FANCL: variants seen among roughly 807,000 people sequenced by gnomAD.
The protein encoded by FANCL is E3 ubiquitin-protein ligase FANCL.
Under a neutral mutation model 59.4 loss-of-function variants are expected in FANCL, and 69 were observed. That is an observed-to-expected ratio of 1.16 (90% CI 0.96 to 1.42). The LOEUF (loss-of-function observed/expected upper bound fraction) is 1.42, where lower values mean the gene tolerates loss of function less well. FANCL is among the 40% of genes most tolerant of loss of function. FANCL has a pLI of 0.00. For missense variants in FANCL, 519 were observed against 447.2 expected (o/e 1.16, Z -1.45); for synonymous variants, 180 against 147.1 (o/e 1.22, Z -1.62).
rs572924686 is a variant in FANCL at position 58,164,236 on chromosome 2, C to T, written c.692-719G>A. Among the ~76,000 whole-genome samples the T allele has an allele frequency of 2.6e-5, 4 of 152,054 alleles. 1 individual carries two copies. Among genetic ancestry groups the T allele is most frequent in the African/African-American group, 9.6e-5 (4 of 41,546 alleles). ...GGTACATAGTGTAACTGCTTAAGAT[C>T]AATTTGGATTTCATTTTCATCGTAA... On this transcript the variant is annotated intron_variant, in intron 8 of 13. Transcript: ENST00000233741.
chr2:58,219,336 C>T (rs1294818024), intron 5 of FANCL, among the ~76,000 whole-genome samples: 2 of 150,502 alleles, frequency 1.3e-5, no homozygotes, highest in African/African-American at 2.4e-5. Context: ...AATAAATATC[C>T]ATGAGTCCAT....
In FANCL at chr2:58,231,178, G is replaced by A. The variant is rs149625498; in HGVS notation, c.155+876C>T. The stretch of plus-strand genomic sequence containing the variant: ...TGACCAGTCCTTTAAATGTTGGTAC[G>A]CCCCAAGGTCTTGTCACTGGCTTTC... On this transcript the variant is annotated intron_variant, in intron 2 of 13. Coordinates refer to ENST00000233741, the MANE Select transcript of FANCL (RefSeq NM_018062.4). Among the ~76,000 whole-genome samples the A allele has an allele frequency of 5.5e-3, 843 of 152,088 alleles. 8 individuals are homozygous for A. Among genetic ancestry groups the A allele is most frequent in the Non-Finnish European group, 7.2e-3 (489 of 67,996 alleles).
chr2:58,175,894 A>C (rs1336996719), intron 7 of FANCL, among the ~76,000 whole-genome samples: 1 of 152,040 alleles, frequency 6.6e-6, no homozygotes, highest in Non-Finnish European at 1.5e-5. Context: ...CCATTGTCTC[A>C]GCCCAAAATC....
intron 1 of FANCL, among the ~76,000 whole-genome samples, chr2:58,239,398 C>T (rs1694310747): frequency 6.6e-6 from 1 of 152,118 alleles, no homozygotes; most frequent in Non-Finnish European, 1.5e-5. Context: ...ATCATCCAAA[C>T]CCAAATTGAG....
chr2:58,167,156 G>A (rs1225808003), intron 7 of FANCL, among the ~76,000 whole-genome samples: 3 of 152,294 alleles, frequency 2.0e-5, no homozygotes, highest in African/African-American at 7.2e-5. Context: ...AGGTTGCAGT[G>A]GGCCGAGATC....
intron 7 of FANCL, among the ~76,000 whole-genome samples, chr2:58,180,839 A>C (rs1687869004): frequency 6.6e-6 from 1 of 152,072 alleles, no homozygotes; most frequent in South Asian, 2.1e-4. Context: ...TGTAATGTGC[A>C]AAGTAATCAA....
At chr2:58,208,310 T>A (rs560923095) in intron 5 of FANCL, among the ~76,000 whole-genome samples, 1 of 152,164 alleles carries the variant, frequency 6.6e-6, no homozygotes, top group Non-Finnish European at 1.5e-5. Context: ...AAAGCAAATA[T>A]AAAACTGAAG....
At chr2:58,200,671 G>T (rs972109608) in intron 6 of FANCL, among the ~76,000 whole-genome samples, 1 of 151,812 alleles carries the variant, frequency 6.6e-6, no homozygotes, top group Non-Finnish European at 1.5e-5. Flanking sequence ...AAGAGAGTAA[G>T]ATACTACATT....
intron 4 of FANCL, among the ~76,000 whole-genome samples, chr2:58,226,453 G>A (rs1318076988): frequency 1.3e-5 from 2 of 152,020 alleles, no homozygotes; most frequent in Non-Finnish European, 2.9e-5. Flanking sequence ...CTGCTGATAG[G>A]CCAGGAGTAC....
chr2:58,163,010 A>T lies in FANCL; in HGVS notation c.821+19T>A. ...GTAAAATCACCAAAAAGTAAAAATT[A>T]TATTGCCAAGGTACCTACCACAAAT... On this transcript the variant is annotated intron_variant, in intron 10 of 13. Transcript: ENST00000233741. 1 of 1,612,834 alleles carries T rather than the reference A, an allele frequency of 6.2e-7. No homozygotes were observed. Among genetic ancestry groups the T allele is most frequent in the Non-Finnish European group, 8.5e-7 (1 of 1,179,010 alleles).
At chr2:58,201,772 C>CAT (rs1690046152) in intron 6 of FANCL, among the ~76,000 whole-genome samples, 1 of 151,878 alleles carries the variant, frequency 6.6e-6, no homozygotes, top group Non-Finnish European at 1.5e-5. Context: ...TAATAAAGGA[C>CAT]ATCTAGTCAA....
chr2:58,203,057 C>G (rs1211810978), intron 6 of FANCL, among the ~76,000 whole-genome samples: 1 of 148,392 alleles, frequency 6.7e-6, no homozygotes, highest in Non-Finnish European at 1.5e-5. Flanking sequence ...CTTTTACAAA[C>G]TAAAAAATAA....
chr2:58,197,964 ATGTC>A (rs1257049706), intron 7 of FANCL, among the ~76,000 whole-genome samples: 1 of 152,068 alleles, frequency 6.6e-6, no homozygotes, highest in African/African-American at 2.4e-5. Context: ...TTAAAGGAAA[ATGTC>A]TGTCAAAAGT....
chr2:58,189,920 A>G (rs1688761250), intron 7 of FANCL, among the ~76,000 whole-genome samples: 1 of 152,016 alleles, frequency 6.6e-6, no homozygotes, highest in Admixed American at 6.6e-5. Context: ...AAATCCCCTA[A>G]TAATCCTTTT....
At position 58,163,103 on chromosome 2, in the gene FANCL, A is replaced by G. The variant is rs1385980468; in HGVS notation, c.776-29T>C. On this transcript the variant is annotated intron_variant, in intron 9 of 13. Transcript: ENST00000233741. ...CAGATTAAAAAAAAAAAATTTAATAATTGCATGCTCTACTCTTGGTTTCTA... is the reference window on the plus strand; with the variant it reads ...CAGATTAAAAAAAAAAAATTTAATAGTTGCATGCTCTACTCTTGGTTTCTA... The G allele has an allele frequency of 3.8e-6, 6 of 1,570,530 alleles. No individual in the cohort carries two copies. In the African/African-American group the frequency reaches 6.8e-5, roughly 18 times the overall value.
rs781257747 is a variant in FANCL, at chr2:58,159,789, T to A, written c.1104A>T (p.Leu368Phe). Residue 368 changes from leucine (L) to phenylalanine (F), a missense_variant, in exon 14 of 14, where the codon TTA (leucine) becomes TTT (phenylalanine). Leu to Phe is a conservative substitution (Grantham distance 22). Coordinates refer to ENST00000233741, the MANE Select transcript of FANCL (RefSeq NM_018062.4). ...ECPYCSKPITLKMSGRKH is the reference protein window; with the variant it reads ...ECPYCSKPITFKMSGRKH ...TTCAGTGTTTCCTTCCAGACATTTTTAAGGTAATTGGCTTTAAAAAGAGAA... is the reference window on the plus strand; with the variant it reads ...TTCAGTGTTTCCTTCCAGACATTTTAAAGGTAATTGGCTTTAAAAAGAGAA... 5 of 1,612,964 alleles carry A rather than the reference T, an allele frequency of 3.1e-6. No homozygotes were observed. The highest frequency in any genetic ancestry group is 4.2e-6 in the Non-Finnish European group (5 of 1,179,438).
At chr2:58,237,080 G>A (rs1340120906) in intron 1 of FANCL, among the ~76,000 whole-genome samples, 8 of 152,048 alleles carry the variant, frequency 5.3e-5, no homozygotes, top group African/African-American at 1.7e-4. Flanking sequence ...TGAGCACAGT[G>A]CTACCCAATA....
chr2:58,165,544 T>C (rs969450663), intron 8 of FANCL, among the ~76,000 whole-genome samples, 180 bp downstream of exon 8: 1 of 152,216 alleles, frequency 6.6e-6, no homozygotes, highest in Non-Finnish European at 1.5e-5. Context: ...ACCTCAGTAC[T>C]TCTCCTTTTC....
In FANCL at chr2:58,217,229, C is replaced by T. The variant is rs1290641191; in HGVS notation, c.374+4713G>A. ...ATATATATATATACACACACACACA[C>T]ACACACACACACACATATATATGTT... On this transcript the variant is annotated intron_variant, in intron 5 of 13. Transcript: ENST00000233741. 5.1e-3 allele frequency among the ~76,000 whole-genome samples: 466 copies of T among 91,572 alleles called. 9 individuals are homozygous for T. The highest frequency in any genetic ancestry group is 0.028 in the African/African-American group (432 of 15,328). 60.1% of individuals were successfully genotyped at this position (91,572 alleles called of 152,430 possible). A position where few individuals can be genotyped will look rare whatever the true frequency, so the allele number is the denominator to read the frequency against.
Sources: gnomAD v4.1 joint callset for allele counts (sites outside exome capture counted in the v4.1 genomes callset) on GRCh38, gnomAD v4.1.1 for gene constraint, MANE v1.5 for transcripts, NCBI Gene and HGNC (gene_info 2026-07-23, HGNC 2026-07-21) for gene names.